HTR2C: variants seen among roughly 807,000 people sequenced by gnomAD.
HTR2C encodes 5-hydroxytryptamine receptor 2C.
Under a neutral mutation model 21.0 loss-of-function variants are expected in HTR2C, and 5 were observed. The observed-to-expected ratio is 0.24, with a 90% CI of 0.12 to 0.50. The LOEUF is 0.50. HTR2C is among the 20% of genes least tolerant of loss of function. HTR2C has a pLI of 0.98. For synonymous variants in HTR2C, 150 were observed against 145.3 expected, an observed-to-expected ratio of 1.03 and a Z score of -0.23; for missense variants, 271 against 371.2, an observed-to-expected ratio of 0.73 and a Z score of 2.22.
intron 4 of HTR2C, among the ~76,000 whole-genome samples, chrX:114,740,939 C>A (rs2069638766): frequency 9.0e-6 from 1 of 111,251 alleles, no homozygotes; most frequent in African/African-American, 3.3e-5. Context: ...CTCACTGTTG[C>A]ATAAGGTAGT....
At chrX:114,596,549 C>A (rs1927853649) in intron 1 of HTR2C, among the ~76,000 whole-genome samples, 1 of 111,361 alleles carries the variant, frequency 9.0e-6, no homozygotes, top group Non-Finnish European at 1.9e-5. Context: ...GATCATTTTG[C>A]CCCTGTACTA....
chrX:114,603,348 G>A (rs1354574794), intron 1 of HTR2C, among the ~76,000 whole-genome samples: 2 of 109,634 alleles, frequency 1.8e-5, no homozygotes, highest in African/African-American at 6.7e-5. Flanking sequence ...GATTTTGAGG[G>A]CCTCTAAAAG....
intron 5 of HTR2C, among the ~76,000 whole-genome samples, chrX:114,860,952 T>C (rs1556472759): frequency 9.0e-6 from 1 of 111,604 alleles, no homozygotes; most frequent in Non-Finnish European, 1.9e-5. Flanking sequence ...CAACAGGATG[T>C]TATGAGATAC....
chrX:114,687,925 A>G (rs782107759), intron 2 of HTR2C, among the ~76,000 whole-genome samples: 9 of 111,935 alleles, frequency 8.0e-5, no homozygotes, highest in Non-Finnish European at 1.7e-4. Context: ...AAATGTTGAA[A>G]CTTTCCTTAA....
intron 2 of HTR2C, among the ~76,000 whole-genome samples, chrX:114,687,891 G>T (rs782680111): frequency 9.0e-6 from 1 of 111,611 alleles, no homozygotes; most frequent in East Asian, 2.8e-4. Flanking sequence ...TCTGTAGAAT[G>T]GTTATAAATA....
chrX:114,751,265 G>T lies in HTR2C; in HGVS notation c.349+19658G>T, dbSNP rs188380875. On this transcript the variant is annotated intron_variant, in intron 4 of 5. Transcript: ENST00000276198. ...TACAGTATACCAAGCACACATCTAG[G>T]TTCTGTGTCTGGTGCACAAAACAAA... 3.1e-3 allele frequency among the ~76,000 whole-genome samples: 347 copies of T among 111,369 alleles called. 1 individual carries two copies. The highest frequency in any genetic ancestry group is 4.8e-3 in the Non-Finnish European group (253 of 53,009).
intron 2 of HTR2C, among the ~76,000 whole-genome samples, chrX:114,720,287 T>C (rs1444161578): frequency 1.8e-5 from 2 of 111,069 alleles, no homozygotes; most frequent in Non-Finnish European, 3.8e-5. Flanking sequence ...AGATTGATTT[T>C]TGTGTAGGTA....
At chrX:114,632,972 T>G (rs1294009101) in intron 2 of HTR2C, among the ~76,000 whole-genome samples, 2 of 111,486 alleles carry the variant, frequency 1.8e-5, no homozygotes, top group African/African-American at 6.5e-5. Context: ...TATTTCAATA[T>G]ATCTTCATCC....
intron 2 of HTR2C, among the ~76,000 whole-genome samples, chrX:114,617,992 A>G (rs1340065528): frequency 1.8e-5 from 2 of 112,292 alleles, no homozygotes; most frequent in African/African-American, 6.5e-5. Context: ...AAAGCACAGG[A>G]AAACCTGAAC....
At chrX:114,586,847 G>A (rs966828975) in intron 1 of HTR2C, among the ~76,000 whole-genome samples, 2 of 110,795 alleles carry the variant, frequency 1.8e-5, no homozygotes, top group Non-Finnish European at 3.8e-5. Flanking sequence ...GTCTATGAAT[G>A]ACGGAGATAT....
intron 1 of HTR2C, among the ~76,000 whole-genome samples, chrX:114,596,840 A>T (rs1193132581): frequency 8.9e-6 from 1 of 111,869 alleles, no homozygotes; most frequent in Non-Finnish European, 1.9e-5. Context: ...CCTCAGTCAG[A>T]TCTTAACTTG....
At chrX:114,774,716 T>A (rs2070039368) in intron 4 of HTR2C, 2 of 299,643 alleles carry the variant, frequency 6.7e-6, no homozygotes, top group South Asian at 1.1e-4. Context: ...GAATTCCTAG[T>A]AACTTACTAC....
Position 114,906,851 on chromosome X carries a change from G to C in HTR2C, c.813G>C (p.Thr271=), listed in dbSNP as rs1556487013. 8.3e-7 allele frequency: 1 copy of C among 1,211,055 alleles called. No homozygotes were observed. The highest frequency in any genetic ancestry group is 3.0e-5 in the East Asian group (1 of 33,765). Reference sequence around the variant, plus strand: ...TCCTGAAGTGCTGCAAGAGGAATACGGCCGAGGAAGAGAACTCTGCAAACC... The same window carrying C: ...TCCTGAAGTGCTGCAAGAGGAATACCGCCGAGGAAGAGAACTCTGCAAACC... ...LDFLKCCKRN[T]AEEENSANPN... Residue 271 remains threonine, a synonymous_variant, in exon 6 of 6, where the codon ACG becomes ACC. Coordinates refer to ENST00000276198, the MANE Select transcript of HTR2C (RefSeq NM_000868.4).
chrX:114,825,870 T>A (rs1313663101), intron 4 of HTR2C, among the ~76,000 whole-genome samples: 2 of 111,481 alleles, frequency 1.8e-5, no homozygotes, highest in African/African-American at 6.5e-5. Flanking sequence ...ATTCCCTCGA[T>A]GAATTGACAC....
At chrX:114,810,423 G>T (rs1431214396) in intron 4 of HTR2C, among the ~76,000 whole-genome samples, 3 of 109,908 alleles carry the variant, frequency 2.7e-5, no homozygotes, top group Non-Finnish European at 3.8e-5. Flanking sequence ...GGTGGGGCTT[G>T]CCAGACAGAA....
At chrX:114,656,075 A>G (rs1327739216) in intron 2 of HTR2C, among the ~76,000 whole-genome samples, 1 of 110,805 alleles carries the variant, frequency 9.0e-6, no homozygotes, top group Non-Finnish European at 1.9e-5. Context: ...TGCCTTCTGT[A>G]AAACTGGGGA....
At chrX:114,797,997 T>G (rs192553458) in intron 4 of HTR2C, among the ~76,000 whole-genome samples, 1 of 111,407 alleles carries the variant, frequency 9.0e-6, no homozygotes, top group East Asian at 2.8e-4. Context: ...TTTGCTTACT[T>G]CATGTGGTTT....
intron 5 of HTR2C, among the ~76,000 whole-genome samples, chrX:114,903,371 A>G (rs953211685): frequency 1.8e-5 from 2 of 112,632 alleles, no homozygotes; most frequent in Non-Finnish European, 3.7e-5. Flanking sequence ...TAAAGTTTTT[A>G]ACCAAATTGA....
intron 4 of HTR2C, among the ~76,000 whole-genome samples, chrX:114,845,191 A>G (rs1472794254): frequency 9.0e-6 from 1 of 111,572 alleles, no homozygotes; most frequent in Non-Finnish European, 1.9e-5. Flanking sequence ...AAATATTATT[A>G]TTCAAAGTAG....
Sources: allele counts gnomAD v4.1 joint callset (sites outside exome capture counted in the v4.1 genomes callset), GRCh38; gene constraint gnomAD v4.1.1; transcripts MANE v1.5; gene names NCBI Gene and HGNC (gene_info 2026-07-23, HGNC 2026-07-21).